Variants in AFDN observed in about 807,000 individuals in gnomAD.
AFDN encodes afadin.
AFDN carries 68 observed loss-of-function variants against 216.6 expected under a neutral mutation model. The ratio of observed to expected loss-of-function variants is 0.31; its 90% CI spans 0.26 to 0.38. The LOEUF is 0.38. Among genes scored for constraint, AFDN ranks in the 10% least tolerant of loss-of-function variants. AFDN has a pLI of 1.00. For synonymous variants in AFDN, 868 were observed against 853.7 expected (o/e 1.02, Z -0.29); for missense variants, 2,136 against 2,342.0 (o/e 0.91, Z 1.82).
At chr6:167,891,147 AT>A in intron 8 of AFDN, 118 bp downstream of exon 8, 1 of 823,948 alleles carries the variant, frequency 1.2e-6, no homozygotes, top group Middle Eastern at 2.6e-4. Context: ...ATTTTTAGCC[AT>A]TTATTTTTTT....
At chr6:167,895,588 G>C (rs918846167) in intron 9 of AFDN, among the ~76,000 whole-genome samples, 1 of 152,134 alleles carries the variant, frequency 6.6e-6, no homozygotes, top group African/African-American at 2.4e-5. Flanking sequence ...AGAAAATTTT[G>C]TCATTAGAAT....
chr6:167,917,269 A>G, intron 20 of AFDN, 37 bp downstream of exon 20: 1 of 1,457,728 alleles, frequency 6.9e-7, no homozygotes, highest in South Asian at 1.6e-5. Context: ...ACAGTGCGGG[A>G]CATGTTTGCA....
intron 29 of AFDN, among the ~76,000 whole-genome samples, chr6:167,950,390 CTCTGTG>C (rs1459077367): frequency 7.1e-5 from 10 of 141,374 alleles, no homozygotes; most frequent in East Asian, 2.5e-4. Context: ...ACTCATTTTT[CTCTGTG>C]TCTGTGTGTG....
chr6:167,864,775 A>G, intron 2 of AFDN, 29 bp downstream of exon 2: 1 of 1,606,376 alleles, frequency 6.2e-7, no homozygotes, highest in Non-Finnish European at 8.5e-7. Context: ...GGTTTGCTAG[A>G]GGCATGACCT....
intron 31 of AFDN, chr6:167,964,867 TTTC>T: frequency 9.4e-7 from 1 of 1,065,302 alleles, no homozygotes; most frequent in Non-Finnish European, 1.1e-6. Context: ...TATTTACTTT[TTTC>T]TTGTGCTCTA....
chr6:167,914,813 G>T, intron 18 of AFDN, 75 bp downstream of exon 18: 1 of 993,324 alleles, frequency 1.0e-6, no homozygotes, highest in South Asian at 1.4e-5. Context: ...CTTAGCGTAG[G>T]TAAGTGGAGG....
At chr6:167,929,926 G>A (rs1386850782) in intron 23 of AFDN, among the ~76,000 whole-genome samples, 2 of 152,238 alleles carry the variant, frequency 1.3e-5, no homozygotes, top group Non-Finnish European at 2.9e-5. Flanking sequence ...ACTTGGCCAG[G>A]CGCCATGGCT....
rs1785594968 is a variant in AFDN, at chr6:167,877,977, A to G, written c.740-2383A>G. Among the ~76,000 whole-genome samples the G allele has an allele frequency of 2.6e-5, 4 of 152,140 alleles. No individual in the cohort carries two copies. The South Asian group carries it at 8.3e-4, about 31-fold the overall frequency. ...TTTGACACTCAGTTATATTTGCTTC[A>G]TGATGGCTTCAAAATGTAATTGACC... On this transcript the variant is annotated intron_variant, in intron 5 of 33. Transcript: ENST00000683244.
intron 1 of AFDN, among the ~76,000 whole-genome samples, chr6:167,861,450 C>A (rs560678344): frequency 6.6e-6 from 1 of 152,300 alleles, no homozygotes; most frequent in Admixed American, 6.5e-5. Flanking sequence ...GATGAGGACA[C>A]CAGTATCTCC....
Position 167,948,451 on chromosome 6 carries a change from T to C in AFDN, c.3804T>C (p.Asp1268=). 1 of 1,614,140 alleles carries C rather than the reference T, an allele frequency of 6.2e-7. No homozygotes were observed. Among genetic ancestry groups the C allele is most frequent in the Non-Finnish European group, 8.5e-7 (1 of 1,180,014 alleles). The change falls in exon 29 of 34, where the codon GAT becomes GAC. Residue 1268 remains aspartate, a synonymous_variant. Transcript: ENST00000683244. The part of the protein sequence containing the change: ...NYEEKPHMHT[D]SNHSSIAIQR... ...AGGAAAAGCCACATATGCACACAGA[T>C]AGTAATCATTCCAGTATTGCAATTC...
At chr6:167,902,651 A>T (rs1047125521) in intron 12 of AFDN, among the ~76,000 whole-genome samples, 12 of 152,358 alleles carry the variant, frequency 7.9e-5, no homozygotes, top group East Asian at 1.9e-4. Context: ...GGAACAATAT[A>T]TATTATAACA....
In AFDN at chr6:167,925,101, T is replaced by C; in HGVS notation, c.3099+10T>C. 6.3e-7 allele frequency: 1 copy of C among 1,595,410 alleles called. No individual in the cohort carries two copies. The highest frequency in any genetic ancestry group is 8.6e-7 in the Non-Finnish European group (1 of 1,162,952). ...CATTGTTGCAGCAAAGGTAGGCCAATTAGTCACGTGCGAGTTGTTCTCTCC... is the reference window on the plus strand; with the variant it reads ...CATTGTTGCAGCAAAGGTAGGCCAACTAGTCACGTGCGAGTTGTTCTCTCC... On this transcript the variant is annotated intron_variant, in intron 23 of 33. Coordinates refer to ENST00000683244, the MANE Select transcript of AFDN (RefSeq NM_001386888.1).
intron 1 of AFDN, among the ~76,000 whole-genome samples, chr6:167,862,225 A>T (rs963109433): frequency 6.6e-6 from 1 of 152,162 alleles, no homozygotes; most frequent in Non-Finnish European, 1.5e-5. Context: ...GGGAGAACGA[A>T]GGTGAAGGAA....
At chr6:167,834,479 T>TTTTTTTTTTTTTTC (rs33948165) in intron 1 of AFDN, among the ~76,000 whole-genome samples, 1 of 145,260 alleles carries the variant, frequency 6.9e-6, no homozygotes. Context: ...TTTTTTTTTT[T>TTTTTTTTTTTTTTC]CGAAAGGTAT....
chr6:167,838,217 T>C (rs748783531), intron 1 of AFDN, among the ~76,000 whole-genome samples: 1 of 152,200 alleles, frequency 6.6e-6, no homozygotes, highest in Non-Finnish European at 1.5e-5. Flanking sequence ...CTTAGGCCTA[T>C]AGGAAAGAAA....
chr6:167,876,194 G>A (rs1338496368), intron 5 of AFDN, among the ~76,000 whole-genome samples: 2 of 152,102 alleles, frequency 1.3e-5, no homozygotes, highest in Non-Finnish European at 2.9e-5. Flanking sequence ...TGGGGGGAAC[G>A]TTGGCCCACC....
At chr6:167,841,349 G>A (rs181418773) in intron 1 of AFDN, among the ~76,000 whole-genome samples, 10 of 152,244 alleles carry the variant, frequency 6.6e-5, no homozygotes, top group South Asian at 2.1e-4. Flanking sequence ...TAGCCAAGGC[G>A]TAGAGGAGAC....
At chr6:167,845,335 G>T (rs1194037209) in intron 1 of AFDN, among the ~76,000 whole-genome samples, 1 of 151,844 alleles carries the variant, frequency 6.6e-6, no homozygotes, top group Non-Finnish European at 1.5e-5. Flanking sequence ...CAGTCATTTT[G>T]GTCTTCTGAT....
At chr6:167,955,345 T>G (rs1237943122) in intron 30 of AFDN, among the ~76,000 whole-genome samples, 1 of 152,188 alleles carries the variant, frequency 6.6e-6, no homozygotes, top group Non-Finnish European at 1.5e-5. Context: ...GAGAGGAACC[T>G]TTCTTACAAA....
Sources: allele counts gnomAD v4.1 joint callset (sites outside exome capture counted in the v4.1 genomes callset), GRCh38; gene constraint gnomAD v4.1.1; transcripts MANE v1.5; gene names NCBI Gene and HGNC (gene_info 2026-07-23, HGNC 2026-07-21).